Variants in EYA1 observed in about 807,000 individuals in gnomAD.
EYA1 encodes protein phosphatase EYA1.
In EYA1, 16 loss-of-function variants were observed where a neutral mutation model predicts 82.0. That is an observed-to-expected ratio of 0.20 (90% CI 0.13 to 0.30). EYA1 has a LOEUF of 0.30. Among genes scored for constraint, EYA1 ranks in the 10% least tolerant of loss-of-function variants. The pLI, the probability that EYA1 is intolerant of heterozygous loss-of-function variation, is 1.00. For synonymous variants in EYA1, 261 were observed against 264.4 expected, an observed-to-expected ratio of 0.99 and a Z score of 0.12; for missense variants, 633 against 730.7, an observed-to-expected ratio of 0.87 and a Z score of 1.54.
chr8:71,458,399 T>C (rs886603696), intron 2 of EYA1, among the ~76,000 whole-genome samples: 1 of 152,044 alleles, frequency 6.6e-6, no homozygotes, highest in Non-Finnish European at 1.5e-5. Context: ...TTTTTTTTTC[T>C]TTTCACCTAC....
At chr8:71,451,712 T>C (rs1807393811) in intron 2 of EYA1, among the ~76,000 whole-genome samples, 1 of 152,222 alleles carries the variant, frequency 6.6e-6, no homozygotes, top group Non-Finnish European at 1.5e-5. Flanking sequence ...AATTACCTTT[T>C]CTGATTTATG....
intron 2 of EYA1, among the ~76,000 whole-genome samples, chr8:71,471,105 C>A (rs1809168321): frequency 2.0e-5 from 3 of 151,932 alleles, no homozygotes; most frequent in Non-Finnish European, 4.4e-5. Context: ...TTTCAAGCCC[C>A]AGAGAACAAC....
chr8:71,490,966 T>C (rs900368250), intron 2 of EYA1, among the ~76,000 whole-genome samples: 8 of 152,222 alleles, frequency 5.3e-5, no homozygotes, highest in Admixed American at 3.9e-4. Context: ...AGGAAGATCA[T>C]ATAAAGCAAG....
At position 71,328,787 on chromosome 8, in the gene EYA1, G is replaced by T. The variant is rs572835038; in HGVS notation, c.202+5310C>A. ...GTGATGTCTCCCCAACATCACCCTG[G>T]GTTATACATCCACTGCTTTTCTCAG... On this transcript the variant is annotated intron_variant, in intron 4 of 17. Coordinates refer to ENST00000340726, the MANE Select transcript of EYA1 (RefSeq NM_000503.6). Among the ~76,000 whole-genome samples the T allele has an allele frequency of 2.6e-5, 4 of 152,138 alleles. No homozygotes were observed. In the South Asian group the frequency reaches 8.3e-4, roughly 32 times the overall value.
intron 2 of EYA1, among the ~76,000 whole-genome samples, chr8:71,515,540 C>T (rs189774148): frequency 6.6e-5 from 10 of 151,868 alleles, no homozygotes; most frequent in African/African-American, 1.7e-4. Context: ...GTTCATACTA[C>T]GGTATTGCCA....
chr8:71,240,635 A>G (rs568334075), intron 12 of EYA1, among the ~76,000 whole-genome samples: 21 of 152,294 alleles, frequency 1.4e-4, no homozygotes, highest in African/African-American at 4.8e-4. Context: ...CTCTGTCAAC[A>G]TGGGTTAGGA....
At position 71,463,613 on chromosome 8, in the gene EYA1, CTCTCTCTCTCTCTCTCT is replaced by C. The variant is rs1489696447; in HGVS notation, c.33+72114_33+72130del. ...TCTCTCTCTCTCTCTCTCTCTCTCT[CTCTCTCTCTCTCTCTCT>C]CTCCCTCCCTCCCCCCTCCCACACA... On this transcript the variant is annotated intron_variant, in intron 2 of 18. Transcript: ENST00000643681. Among the ~76,000 whole-genome samples, 37 of 136,346 alleles carry C rather than the reference CTCTCTCTCTCTCTCTCT, an allele frequency of 2.7e-4. 1 individual carries two copies. Among genetic ancestry groups the C allele is most frequent in the African/African-American group, 9.7e-4 (32 of 32,890 alleles). The allele number at this position is 136,346 out of a possible 152,430, so 89.4% of individuals were successfully genotyped here.
chr8:71,227,070 A>G (rs1810648953), intron 12 of EYA1, among the ~76,000 whole-genome samples: 1 of 152,184 alleles, frequency 6.6e-6, no homozygotes, highest in South Asian at 2.1e-4. Context: ...CATATTTAAA[A>G]TGGTATATAA....
intron 12 of EYA1, among the ~76,000 whole-genome samples, chr8:71,226,344 T>C (rs1348962564): frequency 1.3e-5 from 2 of 152,046 alleles, no homozygotes. Context: ...AGCTCCTTCT[T>C]AGTGAGTACA....
At chr8:71,272,555 C>T (rs1816673509) in intron 9 of EYA1, among the ~76,000 whole-genome samples, 2 of 152,160 alleles carry the variant, frequency 1.3e-5, no homozygotes, top group Non-Finnish European at 2.9e-5. Flanking sequence ...ATTAAAATTA[C>T]TCATCTGGGT....
At chr8:71,220,787 A>G (rs1446768624) in intron 12 of EYA1, among the ~76,000 whole-genome samples, 1 of 151,960 alleles carries the variant, frequency 6.6e-6, no homozygotes, top group Admixed American at 6.6e-5. Context: ...CCAGGCAAAT[A>G]AAAGAGCAAG....
intron 2 of EYA1, among the ~76,000 whole-genome samples, chr8:71,502,912 C>G (rs555641765): frequency 6.6e-6 from 1 of 152,332 alleles, no homozygotes; most frequent in African/African-American, 2.4e-5. Flanking sequence ...TTCATTACAG[C>G]TGAATGGTGA....
At chr8:71,380,807 G>T (rs1156941) in intron 2 of EYA1, among the ~76,000 whole-genome samples, 40,502 of 152,090 alleles carry the variant, frequency 0.27, 6,054 homozygotes, top group East Asian at 0.7. Context: ...ATTCAAGCTG[G>T]AAACATACAG....
At chr8:71,541,053 A>G (rs1815098938) in intron 1 of EYA1, among the ~76,000 whole-genome samples, 1 of 152,242 alleles carries the variant, frequency 6.6e-6, no homozygotes, top group Admixed American at 6.5e-5. Flanking sequence ...AGAAGCCACA[A>G]GGTGCCATGT....
chr8:71,258,755 T>C (rs1364387828), intron 11 of EYA1, among the ~76,000 whole-genome samples: 1 of 152,256 alleles, frequency 6.6e-6, no homozygotes, highest in Admixed American at 6.5e-5. Context: ...AATTCTAGTG[T>C]TTGTACATGA....
intron 3 of EYA1, among the ~76,000 whole-genome samples, chr8:71,347,133 T>G (rs1798834672): frequency 6.6e-6 from 1 of 152,194 alleles, no homozygotes; most frequent in African/African-American, 2.4e-5. Context: ...CTCAGCTTTT[T>G]GGCTAGTGAC....
At chr8:71,377,332 T>C (rs1828432798) in intron 2 of EYA1, among the ~76,000 whole-genome samples, 1 of 152,138 alleles carries the variant, frequency 6.6e-6, no homozygotes, top group African/African-American at 2.4e-5. Flanking sequence ...CCAGCCACCA[T>C]TTGACAGAAA....
intron 2 of EYA1, among the ~76,000 whole-genome samples, chr8:71,506,838 G>A (rs1011803588): frequency 6.6e-6 from 1 of 151,784 alleles, no homozygotes. Context: ...TCAACTAAAT[G>A]TCTAAAACAT....
At chr8:71,479,353 A>G (rs958580604) in intron 2 of EYA1, among the ~76,000 whole-genome samples, 2 of 152,248 alleles carry the variant, frequency 1.3e-5, no homozygotes, top group South Asian at 2.1e-4. Context: ...TATTCAAATC[A>G]CAACCCACTT....
Sources: allele counts gnomAD v4.1 joint callset (sites outside exome capture counted in the v4.1 genomes callset), GRCh38; gene constraint gnomAD v4.1.1; transcripts MANE v1.5; gene names NCBI Gene and HGNC (gene_info 2026-07-23, HGNC 2026-07-21).